The following SPAG16 variants were observed in gnomAD, a reference collection of about 807,000 sequenced individuals.
SPAG16 encodes the protein sperm-associated antigen 16 protein.
SPAG16 carries 86 observed loss-of-function variants against 80.4 expected under a neutral mutation model. The observed-to-expected ratio is 1.07, with a 90% CI of 0.90 to 1.28. The LOEUF (loss-of-function observed/expected upper bound fraction) is 1.28, where lower values mean the gene tolerates loss of function less well. Among genes scored for constraint, SPAG16 ranks in the 50% most tolerant of loss-of-function variants. The probability of loss-of-function intolerance (pLI) is 0.00; values close to 1 mark genes in which losing one functional copy is unlikely to be tolerated. For missense variants in SPAG16, 870 were observed against 765.3 expected, an observed-to-expected ratio of 1.14 and a Z score of -1.61; for synonymous variants, 294 against 265.9, an observed-to-expected ratio of 1.11 and a Z score of -1.03.
intron 6 of SPAG16, among the ~76,000 whole-genome samples, chr2:213,347,098 C>A (rs1406813254): frequency 6.6e-6 from 1 of 152,080 alleles, no homozygotes; most frequent in Non-Finnish European, 1.5e-5. Flanking sequence ...TCAACTTCTT[C>A]CTGGTTTAGT....
At chr2:213,872,299 C>T (rs2075984779) in intron 11 of SPAG16, among the ~76,000 whole-genome samples, 1 of 151,830 alleles carries the variant, frequency 6.6e-6, no homozygotes, top group African/African-American at 2.4e-5. Flanking sequence ...TTATTTTGTA[C>T]TTATGGCCTC....
At chr2:213,475,318 G>T (rs1292843161) in intron 9 of SPAG16, among the ~76,000 whole-genome samples, 2 of 152,122 alleles carry the variant, frequency 1.3e-5, no homozygotes, top group South Asian at 4.1e-4. Context: ...TTCTATAGGG[G>T]CATGAGCAAG....
intron 10 of SPAG16, among the ~76,000 whole-genome samples, chr2:213,807,010 C>G (rs2071809496): frequency 1.3e-5 from 2 of 152,018 alleles, no homozygotes; most frequent in African/African-American, 4.8e-5. Context: ...TTTGTTCAGT[C>G]CTTTAAAAAA....
chr2:214,321,174 T>C (rs187337799), intron 15 of SPAG16, among the ~76,000 whole-genome samples: 10 of 152,338 alleles, frequency 6.6e-5, no homozygotes, highest in African/African-American at 2.4e-4. Context: ...TGGAACACCT[T>C]AGTCTTAAAT....
intron 13 of SPAG16, among the ~76,000 whole-genome samples, chr2:214,097,354 G>C (rs1346702543): frequency 6.6e-6 from 1 of 152,014 alleles, no homozygotes; most frequent in Non-Finnish European, 1.5e-5. Flanking sequence ...AAATTATTTT[G>C]TAAAAATATA....
At chr2:213,915,691 G>T (rs554589308) in intron 11 of SPAG16, among the ~76,000 whole-genome samples, 1 of 152,070 alleles carries the variant, frequency 6.6e-6, no homozygotes, top group African/African-American at 2.4e-5. Flanking sequence ...CTGAGGAATC[G>T]CCACACTGTC....
intron 15 of SPAG16, among the ~76,000 whole-genome samples, chr2:214,287,302 A>T (rs1038336157): frequency 6.6e-6 from 1 of 152,216 alleles, no homozygotes; most frequent in Non-Finnish European, 1.5e-5. Context: ...CTTTTCTGTT[A>T]TAAGAACTTA....
At chr2:213,687,508 A>T (rs879813266) in intron 10 of SPAG16, among the ~76,000 whole-genome samples, 42 of 152,266 alleles carry the variant, frequency 2.8e-4, no homozygotes, top group African/African-American at 1.0e-3. Flanking sequence ...AGCATTTTTT[A>T]AATGATATTC....
At chr2:213,905,677 A>G (rs1046582931) in intron 11 of SPAG16, among the ~76,000 whole-genome samples, 1 of 152,202 alleles carries the variant, frequency 6.6e-6, no homozygotes, top group African/African-American at 2.4e-5. Flanking sequence ...GAGAGAGACA[A>G]TAAATAAGTG....
chr2:213,404,650 A>C (rs1188224207), intron 9 of SPAG16, among the ~76,000 whole-genome samples: 1 of 152,244 alleles, frequency 6.6e-6, no homozygotes. Context: ...AGGCATGGGC[A>C]AAGACTTCAT....
chr2:213,704,492 T>C (rs2065649891), intron 10 of SPAG16, among the ~76,000 whole-genome samples: 1 of 152,174 alleles, frequency 6.6e-6, no homozygotes, highest in Admixed American at 6.5e-5. Flanking sequence ...ACTCTGTCTC[T>C]CAAAGAGATC....
intron 10 of SPAG16, among the ~76,000 whole-genome samples, chr2:213,737,932 T>C (rs1274344870): frequency 1.3e-5 from 2 of 152,140 alleles, no homozygotes; most frequent in Non-Finnish European, 2.9e-5. Context: ...TCAATATTTT[T>C]AAAAAAATTC....
At chr2:213,529,945 C>A (rs1381461447) in intron 10 of SPAG16, among the ~76,000 whole-genome samples, 1 of 152,094 alleles carries the variant, frequency 6.6e-6, no homozygotes, top group East Asian at 1.9e-4. Flanking sequence ...TTAGCAAAGG[C>A]CTACTCAGGG....
chr2:214,098,369 A>T (rs2052750161), intron 13 of SPAG16, among the ~76,000 whole-genome samples: 1 of 152,020 alleles, frequency 6.6e-6, no homozygotes. Context: ...AGGTGACTGT[A>T]TTTGGAGATA....
intron 15 of SPAG16, among the ~76,000 whole-genome samples, chr2:214,314,672 G>C (rs1695555600): frequency 6.6e-6 from 1 of 152,154 alleles, no homozygotes; most frequent in African/African-American, 2.4e-5. Context: ...TTTAATAAAG[G>C]CATGGGCAGG....
chr2:213,632,288 A>C (rs1263145660), intron 10 of SPAG16, among the ~76,000 whole-genome samples: 1 of 152,106 alleles, frequency 6.6e-6, no homozygotes, highest in South Asian at 2.1e-4. Flanking sequence ...CACTGTTGGC[A>C]TATAAAAATG....
intron 15 of SPAG16, among the ~76,000 whole-genome samples, chr2:214,327,647 T>G (rs191375356): frequency 4.8e-4 from 73 of 152,310 alleles, no homozygotes; most frequent in African/African-American, 1.7e-3. Context: ...ATTCAAACTA[T>G]TAACTTAGCT....
At chr2:213,953,822 G>A (rs911232215) in intron 12 of SPAG16, among the ~76,000 whole-genome samples, 2 of 151,776 alleles carry the variant, frequency 1.3e-5, no homozygotes, top group Non-Finnish European at 2.9e-5. Context: ...AAATGAAAAA[G>A]TACTCAAAGC....
chr2:213,346,743 A>G (rs1382504579), intron 6 of SPAG16, among the ~76,000 whole-genome samples: 2 of 152,002 alleles, frequency 1.3e-5, no homozygotes, highest in Non-Finnish European at 1.5e-5. Flanking sequence ...CTTGATCATG[A>G]TGGATAAGCT....
Sources: gnomAD v4.1 joint callset for allele counts (sites outside exome capture counted in the v4.1 genomes callset) on GRCh38, gnomAD v4.1.1 for gene constraint, MANE v1.5 for transcripts, NCBI Gene and HGNC (gene_info 2026-07-23, HGNC 2026-07-21) for gene names.